TFEC: variants seen among roughly 807,000 people sequenced by gnomAD.
TFEC encodes the protein transcription factor EC, also known as class E basic helix-loop-helix protein 34.
TFEC carries 31 observed loss-of-function variants against 41.6 expected under a neutral mutation model. The ratio of observed to expected loss-of-function variants is 0.74; its 90% CI spans 0.56 to 1.01. TFEC has a LOEUF of 1.01. Among genes scored for constraint, TFEC ranks in the 50% least tolerant of loss-of-function variants. The probability of loss-of-function intolerance (pLI) is 0.00; values close to 1 mark genes in which losing one functional copy is unlikely to be tolerated. For synonymous variants in TFEC, 143 were observed against 140.6 expected (o/e 1.02, Z -0.12); for missense variants, 402 against 404.1 (o/e 0.99, Z 0.04).
At position 116,061,278 on chromosome 7, in the gene TFEC, A is replaced by C. The variant is rs118132331; in HGVS notation, c.198+49430T>G. 8.0e-3 allele frequency among the ~76,000 whole-genome samples: 1,225 copies of C among 152,266 alleles called. 6 individuals are homozygous for C. The highest frequency in any genetic ancestry group is 0.012 in the Non-Finnish European group (786 of 67,994). On this transcript the variant is annotated intron_variant, in intron 3 of 8. Transcript: ENST00000484212. ...CAAAAACACAGGCATAGATCAAAGG[A>C]ACAGAATAGGGAGTCCAGAAATGGA... is the stretch of plus-strand genomic sequence containing the variant.
upstream of TFEC, among the ~76,000 whole-genome samples, chr7:116,033,457 G>T (rs746634492): frequency 1.2e-4 from 19 of 152,066 alleles, no homozygotes; most frequent in Non-Finnish European, 2.1e-4. Context: ...TTTAAATAAT[G>T]CCAGGCATGT....
chr7:115,961,782 A>T (rs1160994417), intron 3 of TFEC, among the ~76,000 whole-genome samples: 1 of 151,766 alleles, frequency 6.6e-6, no homozygotes, highest in African/African-American at 2.4e-5. Context: ...CACTACTTCT[A>T]TTCAACACAG....
chr7:115,974,293 A>C, intron 2 of TFEC, 37 bp from the exon 3 acceptor site: 3 of 1,444,124 alleles, frequency 2.1e-6, no homozygotes, highest in Non-Finnish European at 2.8e-6. Context: ...ATTGTACATA[A>C]TGATAAAAGT....
intron 3 of TFEC, among the ~76,000 whole-genome samples, chr7:116,093,221 T>A (rs1797369085): frequency 6.6e-6 from 1 of 152,090 alleles, no homozygotes; most frequent in African/African-American, 2.4e-5. Flanking sequence ...ACGTGAACTC[T>A]GCAATGTGGT....
At chr7:116,122,964 A>G (rs1798137750) in intron 1 of TFEC, among the ~76,000 whole-genome samples, 2 of 151,998 alleles carry the variant, frequency 1.3e-5, no homozygotes, top group African/African-American at 4.8e-5. Context: ...TAGCCAAACA[A>G]GCGTGAGAAC....
chr7:116,147,217 G>T (rs1194604525), intron 1 of TFEC, among the ~76,000 whole-genome samples: 1 of 152,154 alleles, frequency 6.6e-6, no homozygotes, highest in Non-Finnish European at 1.5e-5. Context: ...CTAATATGAT[G>T]AAAGATGTTA....
At chr7:116,034,338 A>G (rs1427529651), upstream of TFEC, among the ~76,000 whole-genome samples, 1 of 151,856 alleles carries the variant, frequency 6.6e-6, no homozygotes, top group Non-Finnish European at 1.5e-5. Flanking sequence ...CTTGAATTCC[A>G]TACTCATATA....
chr7:116,095,983 C>T (rs535488798), intron 3 of TFEC, among the ~76,000 whole-genome samples: 1 of 152,326 alleles, frequency 6.6e-6, no homozygotes, highest in Admixed American at 6.5e-5. Context: ...TGTGTTTCCT[C>T]TTCTAAAGTC....
rs887100167 is a variant in TFEC at position 115,974,592 on chromosome 7, T to G, written c.181-336A>C. On this transcript the variant is annotated intron_variant, in intron 2 of 7. Coordinates refer to ENST00000265440, the MANE Select transcript of TFEC (RefSeq NM_012252.4). ...GGCTAGTCTCTTGGAAATCAGTATC[T>G]ACATAAATAGAGTGGTTATCATGAA... 6.5e-5 allele frequency among the ~76,000 whole-genome samples: 8 copies of G among 123,182 alleles called. No homozygotes were observed. In the Admixed American group the frequency reaches 7.8e-4, roughly 12 times the overall value. The allele number at this position is 123,182 out of a possible 152,430, so 80.8% of individuals were successfully genotyped here.
At chr7:115,950,820 A>G (rs764158958) in intron 6 of TFEC, 54 bp downstream of exon 6, 1 of 1,390,526 alleles carries the variant, frequency 7.2e-7, no homozygotes, top group Non-Finnish European at 9.9e-7. Flanking sequence ...CCTCCCATTC[A>G]TTTTGGGGGT....
chr7:116,108,393 A>G (rs1797768496), intron 3 of TFEC, among the ~76,000 whole-genome samples: 1 of 152,050 alleles, frequency 6.6e-6, no homozygotes, highest in African/African-American at 2.4e-5. Flanking sequence ...GACATCACCA[A>G]AACCATGTAC....
intron 3 of TFEC, among the ~76,000 whole-genome samples, chr7:116,091,632 T>C (rs952097608): frequency 6.6e-6 from 1 of 152,166 alleles, no homozygotes; most frequent in African/African-American, 2.4e-5. Context: ...TCCAAATAGA[T>C]GTCAAAATTG....
intron 1 of TFEC, among the ~76,000 whole-genome samples, chr7:116,158,948 T>A (rs1798922275): frequency 6.6e-6 from 1 of 152,064 alleles, no homozygotes; most frequent in Admixed American, 6.6e-5. Context: ...AATGTTTTGC[T>A]AATTTATTAT....
At chr7:116,044,864 T>C (rs62475167) in intron 3 of TFEC, among the ~76,000 whole-genome samples, 20,675 of 152,248 alleles carry the variant, frequency 0.14, 1,875 homozygotes, top group Non-Finnish European at 0.2. Flanking sequence ...TTCCCCCAAA[T>C]TTATTTCCAC....
At chr7:115,972,401 A>G (rs1793174513) in intron 3 of TFEC, among the ~76,000 whole-genome samples, 1 of 152,094 alleles carries the variant, frequency 6.6e-6, no homozygotes, top group African/African-American at 2.4e-5. Context: ...AAGCAAAGGC[A>G]GGTTACGTGA....
At chr7:116,045,012 A>G (rs1796130380) in intron 3 of TFEC, among the ~76,000 whole-genome samples, 2 of 152,226 alleles carry the variant, frequency 1.3e-5, no homozygotes, top group South Asian at 4.1e-4. Flanking sequence ...GGCAGCCTAT[A>G]AACTGGCACC....
chr7:116,064,975 T>G lies in TFEC; in HGVS notation c.198+45733A>C, dbSNP rs367550308. 3.1e-3 allele frequency among the ~76,000 whole-genome samples: 472 copies of G among 152,252 alleles called. 4 individuals carry two copies. The highest frequency in any genetic ancestry group is 0.011 in the African/African-American group (452 of 41,558). On this transcript the variant is annotated intron_variant, in intron 3 of 8. Transcript: ENST00000484212. Reference sequence around the variant, plus strand: ...TTGTCTAAAGAAAATAATCAAGATATTCTATGAGTTAGACACAAGACACAA... The same window carrying G: ...TTGTCTAAAGAAAATAATCAAGATAGTCTATGAGTTAGACACAAGACACAA...
intron 3 of TFEC, among the ~76,000 whole-genome samples, chr7:116,087,237 T>TA (rs985630904): frequency 1.3e-5 from 2 of 151,998 alleles, no homozygotes; most frequent in East Asian, 3.8e-4. Flanking sequence ...ATAAACTATA[T>TA]AAAAAACTCT....
At chr7:116,062,611 T>TA (rs1796595895) in intron 3 of TFEC, among the ~76,000 whole-genome samples, 1 of 140,890 alleles carries the variant, frequency 7.1e-6, no homozygotes, top group African/African-American at 2.6e-5. Flanking sequence ...CACATTTTTT[T>TA]ACTTGTTGAT....
Sources: allele counts gnomAD v4.1 joint callset (sites outside exome capture counted in the v4.1 genomes callset), GRCh38; gene constraint gnomAD v4.1.1; transcripts MANE v1.5; gene names NCBI Gene and HGNC (gene_info 2026-07-23, HGNC 2026-07-21).